LHFPL6: variants seen among roughly 807,000 people sequenced by gnomAD.
LHFPL6 encodes the protein LHFPL tetraspan subfamily member 6 protein.
LHFPL6 carries 9 observed loss-of-function variants against 20.6 expected under a neutral mutation model. That is an observed-to-expected ratio of 0.44 (90% confidence interval 0.26 to 0.76). LHFPL6 has a LOEUF of 0.76. Among genes scored for constraint, LHFPL6 ranks in the 30% least tolerant of loss-of-function variants. The pLI is 0.20. For synonymous variants in LHFPL6, 105 were observed against 98.7 expected (o/e 1.06, Z -0.38); for missense variants, 218 against 253.5 (o/e 0.86, Z 0.95).
Position 39,343,906 on chromosome 13 carries a change from T to C in LHFPL6, c.*30A>G. On this transcript the variant is annotated 3_prime_UTR_variant, in exon 4 of 4. Transcript: ENST00000379589. ...CTCTCCAAGCCCCTTTGGCCCATCT[T>C]CTCCTCTGTCTGCTCTTGGTAGCTC... is the stretch of plus-strand genomic sequence containing the variant. 1 of 1,583,580 alleles carries C rather than the reference T, an allele frequency of 6.3e-7. No individual in the cohort carries two copies. The highest frequency in any genetic ancestry group is 8.7e-7 in the Non-Finnish European group (1 of 1,153,820).
intron 2 of LHFPL6, among the ~76,000 whole-genome samples, chr13:39,546,230 C>T (rs541873078): frequency 6.6e-6 from 1 of 152,148 alleles, no homozygotes; most frequent in Admixed American, 6.5e-5. Context: ...GTAATACACA[C>T]CTAACTCACG....
At chr13:39,531,637 T>G (rs1360257685) in intron 2 of LHFPL6, among the ~76,000 whole-genome samples, 1 of 152,138 alleles carries the variant, frequency 6.6e-6, no homozygotes, top group East Asian at 1.9e-4. Flanking sequence ...GTAGATTCCT[T>G]CTAAGATCCG....
At chr13:39,559,498 G>A (rs541427992) in intron 2 of LHFPL6, among the ~76,000 whole-genome samples, 31 of 152,300 alleles carry the variant, frequency 2.0e-4, no homozygotes, top group African/African-American at 6.5e-4. Flanking sequence ...GTGATGACGC[G>A]GAGCTCCGTA....
chr13:39,553,556 AAT>A (rs1420255033), intron 2 of LHFPL6, among the ~76,000 whole-genome samples: 1 of 152,136 alleles, frequency 6.6e-6, no homozygotes, highest in Non-Finnish European at 1.5e-5. Flanking sequence ...TACAAAAAAA[AAT>A]ATTTTTTTTA....
At chr13:39,389,715 A>G (rs1404017741) in intron 2 of LHFPL6, among the ~76,000 whole-genome samples, 1 of 152,192 alleles carries the variant, frequency 6.6e-6, no homozygotes, top group African/African-American at 2.4e-5. Flanking sequence ...GATGTTCTAT[A>G]GGAGATCACT....
At chr13:39,543,866 A>G (rs1160952010) in intron 2 of LHFPL6, among the ~76,000 whole-genome samples, 1 of 152,238 alleles carries the variant, frequency 6.6e-6, no homozygotes, top group African/African-American at 2.4e-5. Context: ...CAGACAAAGC[A>G]GTATCTTGAT....
At chr13:39,520,021 G>C (rs1870055762) in intron 2 of LHFPL6, among the ~76,000 whole-genome samples, 2 of 152,182 alleles carry the variant, frequency 1.3e-5, no homozygotes, top group East Asian at 1.9e-4. Context: ...AGTGATGTCA[G>C]TAGGAAGTGG....
At chr13:39,407,666 G>A (rs1463847560) in intron 2 of LHFPL6, among the ~76,000 whole-genome samples, 1 of 152,198 alleles carries the variant, frequency 6.6e-6, no homozygotes, top group South Asian at 2.1e-4. Flanking sequence ...TGAAAGTGAT[G>A]CTCTACTACC....
chr13:39,368,998 T>C (rs189774820), intron 3 of LHFPL6, among the ~76,000 whole-genome samples: 76 of 150,544 alleles, frequency 5.0e-4, no homozygotes, highest in Admixed American at 4.1e-3. Context: ...ATACAAAAAA[T>C]AATTAGAATG....
chr13:39,573,088 AACTT>A, intron 2 of LHFPL6, among the ~76,000 whole-genome samples: 1 of 152,230 alleles, frequency 6.6e-6, no homozygotes, highest in Non-Finnish European at 1.5e-5. Flanking sequence ...CCAATGCCGT[AACTT>A]CTATTGTGTT....
chr13:39,599,467 A>G (rs1286245076), intron 2 of LHFPL6, among the ~76,000 whole-genome samples: 1 of 152,248 alleles, frequency 6.6e-6, no homozygotes, highest in Non-Finnish European at 1.5e-5. Flanking sequence ...GTAAATATAC[A>G]TATCACATGC....
intron 2 of LHFPL6, among the ~76,000 whole-genome samples, chr13:39,430,986 C>A (rs948614462): frequency 5.3e-5 from 8 of 152,196 alleles, no homozygotes; most frequent in Non-Finnish European, 1.0e-4. Context: ...GTCTGCACTA[C>A]CTTTATGAGC....
At chr13:39,353,096 C>T (rs1461198017) in intron 3 of LHFPL6, among the ~76,000 whole-genome samples, 1 of 149,664 alleles carries the variant, frequency 6.7e-6, no homozygotes, top group Non-Finnish European at 1.5e-5. Flanking sequence ...TATTCTCCTG[C>T]CTCAGCCTCC....
chr13:39,568,735 C>T lies in LHFPL6; in HGVS notation c.385+32097G>A, dbSNP rs79026850. Among the ~76,000 whole-genome samples, 435 of 152,342 alleles carry T rather than the reference C, an allele frequency of 2.9e-3. 9 individuals are homozygous for T. Among genetic ancestry groups the T allele is most frequent in the East Asian group, 0.02 (102 of 5,178 alleles). On this transcript the variant is annotated intron_variant, in intron 2 of 3. Coordinates refer to ENST00000379589, the MANE Select transcript of LHFPL6 (RefSeq NM_005780.3). ...AAGCTCCAGGCTCTGGCTCCTTTCA[C>T]CCCTACATCCTCTAATGTTCACACT...
rs71077298 is a variant in LHFPL6, at chr13:39,437,901, C to CAA, written c.386-59377_386-59376dup. Among the ~76,000 whole-genome samples, 586 of 133,276 alleles carry CAA rather than the reference C, an allele frequency of 4.4e-3. 8 individuals carry two copies. The highest frequency in any genetic ancestry group is 0.014 in the Admixed American group (183 of 13,410). 87.4% of individuals were successfully genotyped at this position (133,276 alleles called of 152,430 possible). On this transcript the variant is annotated intron_variant, in intron 2 of 3. Coordinates refer to ENST00000379589, the MANE Select transcript of LHFPL6 (RefSeq NM_005780.3). The stretch of plus-strand genomic sequence containing the variant: ...TGGGTGACAGAGCGAGACTCCGTCT[C>CAA]AAAAAAAAAAAAAAGGATTAAATAA...
chr13:39,486,752 C>G (rs1868740139), intron 2 of LHFPL6, among the ~76,000 whole-genome samples: 1 of 152,184 alleles, frequency 6.6e-6, no homozygotes. Context: ...AAATGCTAAC[C>G]TATCAGGATA....
intron 2 of LHFPL6, among the ~76,000 whole-genome samples, chr13:39,474,030 A>T (rs1873015557): frequency 6.6e-6 from 1 of 152,254 alleles, no homozygotes; most frequent in Admixed American, 6.5e-5. Context: ...TAACTATTCA[A>T]TACAGTCATT....
chr13:39,509,100 T>C lies in LHFPL6; in HGVS notation c.385+91732A>G, dbSNP rs147205960. Reference sequence around the variant, plus strand: ...TTTGCATTTCCTAAATGATAAATGATGGTGAACATCTTTTTATGTGGTTAT... The same window carrying C: ...TTTGCATTTCCTAAATGATAAATGACGGTGAACATCTTTTTATGTGGTTAT... On this transcript the variant is annotated intron_variant, in intron 2 of 3. Transcript: ENST00000379589. Among the ~76,000 whole-genome samples the C allele has an allele frequency of 1.9e-4, 29 of 152,340 alleles. 1 individual carries two copies. The highest frequency in any genetic ancestry group is 7.0e-4 in the African/African-American group (29 of 41,586).
At chr13:39,444,369 G>T (rs1167271348) in intron 2 of LHFPL6, among the ~76,000 whole-genome samples, 1 of 152,142 alleles carries the variant, frequency 6.6e-6, no homozygotes, top group Non-Finnish European at 1.5e-5. Flanking sequence ...CTAAGGGTGT[G>T]GCCAAGAGAC....
Sources: gnomAD v4.1 joint callset for allele counts (sites outside exome capture counted in the v4.1 genomes callset) on GRCh38, gnomAD v4.1.1 for gene constraint, MANE v1.5 for transcripts, NCBI Gene and HGNC (gene_info 2026-07-23, HGNC 2026-07-21) for gene names.